The following COMMD10 variants were observed in gnomAD, a reference collection of about 807,000 sequenced individuals.
COMMD10 encodes COMM domain-containing protein 10.
A neutral mutation model predicts 28.9 loss-of-function variants in COMMD10; 33 were observed. The observed-to-expected ratio is 1.14, with a 90% CI of 0.87 to 1.53. The LOEUF (loss-of-function observed/expected upper bound fraction) is 1.53, where lower values mean the gene tolerates loss of function less well. Ranked by LOEUF, COMMD10 falls within the 40% of genes most tolerant of loss-of-function variation. COMMD10 has a pLI of 0.00. For missense variants in COMMD10, 310 were observed against 233.4 expected, an observed-to-expected ratio of 1.33 and a Z score of -2.14; for synonymous variants, 110 against 81.7, an observed-to-expected ratio of 1.35 and a Z score of -1.87.
intron 5 of COMMD10, among the ~76,000 whole-genome samples, chr5:116,189,051 T>C (rs1052121056): frequency 6.6e-6 from 1 of 152,200 alleles, no homozygotes; most frequent in African/African-American, 2.4e-5. Flanking sequence ...TGATGGCTCA[T>C]TGTATGTTAG....
At chr5:116,131,942 A>G (rs1170699830) in intron 4 of COMMD10, among the ~76,000 whole-genome samples, 1 of 152,084 alleles carries the variant, frequency 6.6e-6, no homozygotes, top group Non-Finnish European at 1.5e-5. Flanking sequence ...AATATGTTTT[A>G]GAACGTAGGA....
Position 116,092,623 on chromosome 5 carries a change from G to A in COMMD10, c.322G>A (p.Ala108Thr), listed in dbSNP as rs1455530315. ...TCATCTTAGACAAGACAAAGCTGAA[G>A]CATTTGTCAATACGTGGTCTTCTAT... ...NIHLRQDKAE[A>T]FVNTWSSMGQ... The change falls in exon 4 of 7, where the codon GCA becomes ACA. Residue 108 changes from alanine (A) to threonine (T), a missense_variant. Coordinates refer to ENST00000274458, the MANE Select transcript of COMMD10 (RefSeq NM_016144.4). 5.0e-6 allele frequency: 8 copies of A among 1,611,440 alleles called. No individual in the cohort carries two copies. The highest frequency in any genetic ancestry group is 2.2e-5 in the East Asian group (1 of 44,840).
intron 4 of COMMD10, among the ~76,000 whole-genome samples, chr5:116,098,733 T>A (rs1750548557): frequency 6.6e-6 from 1 of 152,172 alleles, no homozygotes; most frequent in African/African-American, 2.4e-5. Flanking sequence ...GATTCTGAAT[T>A]CAAAGAGGGT....
Position 116,152,965 on chromosome 5 carries a change from A to T in COMMD10, c.510+18787A>T, listed in dbSNP as rs114361421. Among the ~76,000 whole-genome samples, 1,273 of 152,218 alleles carry T rather than the reference A, an allele frequency of 8.4e-3. 19 individuals are homozygous for T. Among genetic ancestry groups the T allele is most frequent in the African/African-American group, 0.029 (1,217 of 41,554 alleles). On this transcript the variant is annotated intron_variant, in intron 5 of 6. Coordinates refer to ENST00000274458, the MANE Select transcript of COMMD10 (RefSeq NM_016144.4). ...GTGGGTATTTTGTTTCCAGCTATAC[A>T]GAAGTTGCATAATAGCTACCCACTC...
In COMMD10 at chr5:116,091,172, T is replaced by A. The variant is rs1285714372; in HGVS notation, c.226T>A (p.Ser76Thr). ...QDLHLVLETI[S>T]FILEQAVYHN... ...TCTTCACCTAGTTCTTGAAACAATA[T>A]CATTTATTTTAGAACAGGTATTTTT... Residue 76 changes from serine to threonine, a missense_variant, in exon 3 of 7, where the codon TCA (serine) becomes ACA (threonine). Physicochemically the swap from Ser to Thr is moderately conservative, Grantham distance 58. Coordinates refer to ENST00000274458, the MANE Select transcript of COMMD10 (RefSeq NM_016144.4). 2 of 1,596,138 alleles carry A rather than the reference T, an allele frequency of 1.3e-6. No homozygotes were observed. Among genetic ancestry groups the A allele is most frequent in the East Asian group, 4.5e-5 (2 of 44,620 alleles).
intron 5 of COMMD10, among the ~76,000 whole-genome samples, chr5:116,225,494 T>G (rs533603152): frequency 2.0e-5 from 3 of 152,198 alleles, no homozygotes; most frequent in African/African-American, 7.2e-5. Context: ...TTAACTTCCT[T>G]GGGTTGAAAC....
chr5:116,086,109 T>G (rs1258370106), intron 1 of COMMD10, among the ~76,000 whole-genome samples: 2 of 152,182 alleles, frequency 1.3e-5, no homozygotes, highest in African/African-American at 4.8e-5. Context: ...ATTCCATTGG[T>G]TACTTGGTGT....
chr5:116,128,998 A>G (rs1234716534), intron 4 of COMMD10, among the ~76,000 whole-genome samples: 1 of 151,904 alleles, frequency 6.6e-6, no homozygotes, highest in East Asian at 1.9e-4. Context: ...TCTCCACTGT[A>G]TCACTACTCT....
intron 5 of COMMD10, among the ~76,000 whole-genome samples, chr5:116,268,184 G>T (rs1478157024): frequency 1.3e-5 from 2 of 151,756 alleles, no homozygotes; most frequent in Non-Finnish European, 2.9e-5. Flanking sequence ...GGAAGAAAAT[G>T]TTTGCAATCT....
At position 116,292,633 on chromosome 5, in the gene COMMD10, C is replaced by G. The variant is rs991748785; in HGVS notation, c.*144C>G. On this transcript the variant is annotated 3_prime_UTR_variant, in exon 7 of 7. Transcript: ENST00000274458. ...GGCTTATCACTTCTTAGACAAATAA[C>G]AACCAATAGAGATCATTGTTAAGAA... is the stretch of plus-strand genomic sequence containing the variant. 3.4e-5 allele frequency: 18 copies of G among 535,526 alleles called. No homozygotes were observed. In the African/African-American group the frequency reaches 3.4e-4, roughly 10 times the overall value. The allele number at this position is 535,526 out of a possible 1,614,324, so 33.2% of individuals were successfully genotyped here.
chr5:116,204,130 A>C lies in COMMD10; in HGVS notation c.510+69952A>C, dbSNP rs575169688. The stretch of plus-strand genomic sequence containing the variant: ...ACAGACTTTAAACCAACAAAGATCA[A>C]AAGAGACAAAGAAGGCCATTACATC... On this transcript the variant is annotated intron_variant, in intron 5 of 6. Transcript: ENST00000274458. Among the ~76,000 whole-genome samples the C allele has an allele frequency of 9.2e-5, 14 of 152,196 alleles. No homozygotes were observed. In the South Asian group the frequency reaches 2.9e-3, roughly 32 times the overall value.
chr5:116,119,275 C>G (rs1425011393), intron 4 of COMMD10, among the ~76,000 whole-genome samples: 2 of 152,170 alleles, frequency 1.3e-5, no homozygotes, highest in African/African-American at 2.4e-5. Context: ...TTTGTGGTGT[C>G]TAAACTTGAG....
intron 5 of COMMD10, among the ~76,000 whole-genome samples, chr5:116,270,912 A>T (rs116456343): frequency 0.028 from 4,255 of 151,744 alleles, 265 homozygotes; most frequent in African/African-American, 0.098. Flanking sequence ...ACACTCCAGC[A>T]TGGGCAACGA....
intron 4 of COMMD10, among the ~76,000 whole-genome samples, chr5:116,107,257 T>C (rs566929546): frequency 6.6e-6 from 1 of 152,318 alleles, no homozygotes; most frequent in African/African-American, 2.4e-5. Context: ...TCCTGGATAA[T>C]ACCCTGAAGA....
intron 4 of COMMD10, among the ~76,000 whole-genome samples, chr5:116,118,352 G>T (rs1167751206): frequency 2.6e-5 from 4 of 151,876 alleles, no homozygotes; most frequent in Non-Finnish European, 5.9e-5. Context: ...AATAATTTTT[G>T]TCTGTTTGTT....
intron 5 of COMMD10, among the ~76,000 whole-genome samples, chr5:116,224,070 G>A (rs1387466875): frequency 6.6e-6 from 1 of 152,062 alleles, no homozygotes; most frequent in Non-Finnish European, 1.5e-5. Context: ...TCCATCTCTT[G>A]GACTATTCAT....
At chr5:116,181,949 A>G (rs893745489) in intron 5 of COMMD10, among the ~76,000 whole-genome samples, 3 of 152,130 alleles carry the variant, frequency 2.0e-5, no homozygotes, top group Non-Finnish European at 2.9e-5. Flanking sequence ...TCCTGCCCCC[A>G]TGGAGTTTAT....
intron 5 of COMMD10, among the ~76,000 whole-genome samples, chr5:116,177,634 G>A (rs1223737137): frequency 6.6e-6 from 1 of 151,474 alleles, no homozygotes; most frequent in East Asian, 1.9e-4. Context: ...GGAACTTTCT[G>A]TATTCAATTT....
intron 4 of COMMD10, among the ~76,000 whole-genome samples, chr5:116,126,858 G>C (rs988783662): frequency 1.3e-5 from 2 of 152,192 alleles, no homozygotes; most frequent in Non-Finnish European, 2.9e-5. Context: ...TCAGGCCATA[G>C]GCATGGGCAA....
Sources: gnomAD v4.1 joint callset for allele counts (sites outside exome capture counted in the v4.1 genomes callset) on GRCh38, gnomAD v4.1.1 for gene constraint, MANE v1.5 for transcripts, NCBI Gene and HGNC (gene_info 2026-07-23, HGNC 2026-07-21) for gene names.